MACROD2: variants seen among roughly 807,000 people sequenced by gnomAD.
MACROD2 encodes mono-ADP ribosylhydrolase 2.
A neutral mutation model predicts 70.4 loss-of-function variants in MACROD2; 36 were observed. That is an observed-to-expected ratio of 0.51 (90% CI 0.39 to 0.68). The LOEUF is 0.68. MACROD2 is among the 30% of genes least tolerant of loss of function. The pLI is 0.00. For missense variants in MACROD2, 496 were observed against 538.4 expected (o/e 0.92, Z 0.78); for synonymous variants, 172 against 178.8 (o/e 0.96, Z 0.30).
intron 8 of MACROD2, among the ~76,000 whole-genome samples, chr20:15,506,714 T>C (rs1003377621): frequency 6.6e-5 from 10 of 152,202 alleles, no homozygotes; most frequent in Non-Finnish European, 1.5e-4. Flanking sequence ...GAAAATTATA[T>C]ATTTCGAAAC....
intron 5 of MACROD2, among the ~76,000 whole-genome samples, chr20:14,981,432 G>GTATATATATATATATATATA (rs747438726): frequency 1.4e-5 from 2 of 141,458 alleles, no homozygotes; most frequent in African/African-American, 5.3e-5. Context: ...ATATGTATAT[G>GTATATATATATATATATATA]TATATATATA....
At chr20:15,004,053 A>G (rs927481641) in intron 5 of MACROD2, among the ~76,000 whole-genome samples, 2 of 152,014 alleles carry the variant, frequency 1.3e-5, no homozygotes, top group Admixed American at 1.3e-4. Flanking sequence ...AGCACCCATT[A>G]CCTGGCCAAC....
intron 3 of MACROD2, among the ~76,000 whole-genome samples, chr20:14,455,334 CT>C (rs1479060863): frequency 6.6e-6 from 1 of 151,846 alleles, no homozygotes. Context: ...TGGTTCAATT[CT>C]TATTTTATGT....
chr20:15,561,205 A>C (rs563572459), intron 8 of MACROD2, among the ~76,000 whole-genome samples: 1 of 152,280 alleles, frequency 6.6e-6, no homozygotes, highest in Admixed American at 6.5e-5. Flanking sequence ...TATTCTTCAA[A>C]GTGTTGGTAA....
At chr20:14,257,840 C>T (rs1001752602) in intron 3 of MACROD2, among the ~76,000 whole-genome samples, 8 of 152,092 alleles carry the variant, frequency 5.3e-5, no homozygotes, top group African/African-American at 9.7e-5. Flanking sequence ...GCATCATCTG[C>T]GCAGCATACA....
chr20:15,743,068 C>T (rs901855898), intron 8 of MACROD2, among the ~76,000 whole-genome samples: 1 of 152,116 alleles, frequency 6.6e-6, no homozygotes, highest in African/African-American at 2.4e-5. Context: ...GCCCTCACCC[C>T]GGCCTCAACC....
intron 4 of MACROD2, among the ~76,000 whole-genome samples, chr20:14,535,783 A>G (rs6074753): frequency 0.21 from 32,087 of 152,078 alleles, 4,157 homozygotes; most frequent in African/African-American, 0.35. Context: ...GACTTGTACC[A>G]ACAGGCTTAA....
chr20:14,972,551 G>A (rs1235782509), intron 5 of MACROD2, among the ~76,000 whole-genome samples: 1 of 152,078 alleles, frequency 6.6e-6, no homozygotes, highest in South Asian at 2.1e-4. Context: ...TTATACTGAA[G>A]GTCTAATGCC....
intron 10 of MACROD2, among the ~76,000 whole-genome samples, chr20:15,911,418 C>T (rs112054805): frequency 6.6e-6 from 1 of 152,184 alleles, no homozygotes; most frequent in East Asian, 1.9e-4. Flanking sequence ...TCATGGCTAA[C>T]AATGTTGCTG....
chr20:15,965,205 A>G (rs987372036), intron 12 of MACROD2, among the ~76,000 whole-genome samples: 27 of 152,360 alleles, frequency 1.8e-4, no homozygotes, highest in African/African-American at 6.0e-4. Context: ...AATGAAATGC[A>G]TTATGTAGAA....
chr20:15,546,197 A>G (rs1209124959), intron 8 of MACROD2, among the ~76,000 whole-genome samples: 1 of 152,040 alleles, frequency 6.6e-6, no homozygotes, highest in Non-Finnish European at 1.5e-5. Flanking sequence ...GTGAACCGAG[A>G]TTGCACCATT....
intron 3 of MACROD2, among the ~76,000 whole-genome samples, chr20:14,108,060 C>G (rs2054395149): frequency 6.6e-6 from 1 of 151,844 alleles, no homozygotes; most frequent in Non-Finnish European, 1.5e-5. Flanking sequence ...AACAGCTTTT[C>G]AAGATATAGA....
At chr20:14,719,672 G>T (rs1045215752) in intron 5 of MACROD2, among the ~76,000 whole-genome samples, 1 of 152,040 alleles carries the variant, frequency 6.6e-6, no homozygotes, top group African/African-American at 2.4e-5. Context: ...AAAAATGAGT[G>T]CCATAATACT....
intron 3 of MACROD2, among the ~76,000 whole-genome samples, chr20:14,305,641 AC>A (rs760161599): frequency 6.6e-5 from 10 of 152,150 alleles, no homozygotes; most frequent in Non-Finnish European, 1.3e-4. Context: ...CCAGTACTTC[AC>A]CATTTTCCTC....
At chr20:15,668,904 A>T (rs933493252) in intron 8 of MACROD2, among the ~76,000 whole-genome samples, 1 of 152,132 alleles carries the variant, frequency 6.6e-6, no homozygotes, top group Non-Finnish European at 1.5e-5. Context: ...GGCTCCTGTA[A>T]ATAACTTTCA....
intron 5 of MACROD2, among the ~76,000 whole-genome samples, chr20:15,159,656 A>AT (rs952533095): frequency 9.9e-5 from 15 of 151,564 alleles, no homozygotes; most frequent in Admixed American, 2.6e-4. Context: ...TGGGAGAATG[A>AT]TTTTTTTTCC....
intron 8 of MACROD2, among the ~76,000 whole-genome samples, chr20:15,632,794 C>G (rs1460555025): frequency 1.3e-5 from 2 of 151,858 alleles, no homozygotes; most frequent in East Asian, 3.9e-4. Flanking sequence ...TCCTTCCTTC[C>G]CTCCTCCCCT....
At chr20:15,265,536 C>T (rs1163587943) in intron 6 of MACROD2, among the ~76,000 whole-genome samples, 6 of 151,896 alleles carry the variant, frequency 4.0e-5, no homozygotes, top group East Asian at 3.9e-4. Context: ...CATTTTTTTT[C>T]GATGTAACTT....
chr20:15,927,790 A>T (rs938943123), intron 10 of MACROD2, among the ~76,000 whole-genome samples: 16 of 152,222 alleles, frequency 1.1e-4, no homozygotes, highest in African/African-American at 3.9e-4. Context: ...TGACACCTCC[A>T]GACAAAATTT....
Sources: gnomAD v4.1 joint callset for allele counts (sites outside exome capture counted in the v4.1 genomes callset) on GRCh38, gnomAD v4.1.1 for gene constraint, MANE v1.5 for transcripts, NCBI Gene and HGNC (gene_info 2026-07-23, HGNC 2026-07-21) for gene names.